Variants in NF1 observed in about 807,000 individuals in gnomAD.
The protein encoded by NF1 is neurofibromin 1.
Under a neutral mutation model 325.7 loss-of-function variants are expected in NF1, and 122 were observed. That is an observed-to-expected ratio of 0.37 (90% CI 0.32 to 0.44). The LOEUF (loss-of-function observed/expected upper bound fraction) is 0.44. NF1 is among the 20% of genes least tolerant of loss of function. NF1 has a pLI of 1.00. For missense variants in NF1, 2,140 were observed against 3,415.4 expected (o/e 0.63, Z 9.31); for synonymous variants, 1,091 against 1,186.0 (o/e 0.92, Z 1.65).
At chr17:31,105,882 CAG>C (rs1252494876) in intron 1 of NF1, among the ~76,000 whole-genome samples, 3 of 152,206 alleles carry the variant, frequency 2.0e-5, no homozygotes, top group Non-Finnish European at 4.4e-5. Flanking sequence ...CCCCCACCAG[CAG>C]AGTGGTATAT....
intron 1 of NF1, chr17:31,136,314 GCAAGACTCTGT>G (rs1192322248): frequency 8.9e-6 from 1 of 112,000 alleles, no homozygotes; most frequent in African/African-American, 3.3e-5. Context: ...GGGTGAAAGA[GCAAGACTCTGT>G]CTCAAAAAAA....
At chr17:31,270,630 A>G (rs2067876111) in intron 36 of NF1, among the ~76,000 whole-genome samples, 1 of 152,224 alleles carries the variant, frequency 6.6e-6, no homozygotes, top group Non-Finnish European at 1.5e-5. Context: ...TTAAAACAAA[A>G]CAAAACAAAA....
chr17:31,308,583 T>C (rs1427243115), intron 36 of NF1, among the ~76,000 whole-genome samples: 6 of 152,214 alleles, frequency 3.9e-5, no homozygotes, highest in African/African-American at 1.2e-4. Context: ...ACACGATTTT[T>C]CCCTGCTAAA....
At chr17:31,097,459 C>CAAAA (rs71142015) in intron 1 of NF1, among the ~76,000 whole-genome samples, 1 of 78,332 alleles carries the variant, frequency 1.3e-5, no homozygotes, top group Non-Finnish European at 2.4e-5. Context: ...CTCTTGTCTC[C>CAAAA]AAAAAAAAAA....
In NF1 at chr17:31,374,503, AG is replaced by A. The variant is rs2070704303; in HGVS notation, c.*349del. 1 of 436,480 alleles carries A rather than the reference AG, an allele frequency of 2.3e-6. No homozygotes were observed. Among genetic ancestry groups the A allele is most frequent in the Non-Finnish European group, 4.3e-6 (1 of 234,570 alleles). 27.0% of individuals were successfully genotyped at this position (436,480 alleles called of 1,614,324 possible). A position where few individuals can be genotyped will look rare whatever the true frequency, so the allele number is the denominator to read the frequency against. On this transcript the variant is annotated 3_prime_UTR_variant, in exon 58 of 58. Coordinates refer to ENST00000358273, the MANE Select transcript of NF1 (RefSeq NM_001042492.3). ...ACTGCTACTACTGGCCAGTGATGAA[AG>A]CCATTTGCACAGAGCTCTGCCTTCT...
At chr17:31,292,367 T>G (rs557398026) in intron 36 of NF1, among the ~76,000 whole-genome samples, 1 of 152,322 alleles carries the variant, frequency 6.6e-6, no homozygotes, top group East Asian at 1.9e-4. Flanking sequence ...AATGAGCCTT[T>G]TTCCATTAAT....
At chr17:31,125,963 G>T (rs145399483) in intron 1 of NF1, among the ~76,000 whole-genome samples, 82 of 152,272 alleles carry the variant, frequency 5.4e-4, no homozygotes, top group African/African-American at 1.8e-3. Flanking sequence ...GGGGCCGGGT[G>T]CAGTGGCTTA....
intron 36 of NF1, among the ~76,000 whole-genome samples, chr17:31,300,424 C>A (rs1004788190): frequency 6.6e-6 from 1 of 152,016 alleles, no homozygotes; most frequent in African/African-American, 2.4e-5. Context: ...TGTTAGATAA[C>A]TTGTTCTTCT....
chr17:31,149,447 C>T (rs1001407742), intron 1 of NF1, among the ~76,000 whole-genome samples: 4 of 151,976 alleles, frequency 2.6e-5, no homozygotes, highest in African/African-American at 4.8e-5. Flanking sequence ...TATAGGCACG[C>T]GCCACCATGG....
At chr17:31,254,130 G>A (rs1170282588) in intron 31 of NF1, 1 of 149,850 alleles carries the variant, frequency 6.7e-6, no homozygotes, top group Non-Finnish European at 1.5e-5. Flanking sequence ...TAATTAGCCA[G>A]GCGTGGTGGT....
In NF1 at chr17:31,230,969, A is replaced by C. The variant is rs1597717757; in HGVS notation, c.3197+44A>C. 3 of 1,435,258 alleles carry C rather than the reference A, an allele frequency of 2.1e-6. No homozygotes were observed. In the East Asian group the frequency reaches 7.0e-5, roughly 33 times the overall value. 88.9% of individuals were successfully genotyped at this position (1,435,258 alleles called of 1,614,324 possible). A position where few individuals can be genotyped will look rare whatever the true frequency, so the allele number is the denominator to read the frequency against. The stretch of plus-strand genomic sequence containing the variant: ...TCAAGTATTAGTGGGTTTTACTGTG[A>C]GAGTTATAACTACTTAATTACAGCT... On this transcript the variant is annotated intron_variant, in intron 24 of 57. Transcript: ENST00000358273.
At chr17:31,121,040 A>C (rs187543511) in intron 1 of NF1, among the ~76,000 whole-genome samples, 5 of 152,368 alleles carry the variant, frequency 3.3e-5, no homozygotes, top group Middle Eastern at 3.4e-3. Context: ...AAAACACAAC[A>C]ACCATGTATT....
intron 36 of NF1, among the ~76,000 whole-genome samples, chr17:31,317,024 C>G (rs2069038082): frequency 6.6e-6 from 1 of 152,064 alleles, no homozygotes; most frequent in African/African-American, 2.4e-5. Context: ...TTTAAAAACT[C>G]TTCAGGTGAT....
chr17:31,206,224 C>T lies in NF1; in HGVS notation c.1261-16C>T, dbSNP rs911130524. 14 of 1,613,174 alleles carry T rather than the reference C, an allele frequency of 8.7e-6. No homozygotes were observed. The highest frequency in any genetic ancestry group is 1.2e-5 in the Non-Finnish European group (14 of 1,179,430). On this transcript the variant is annotated splice_polypyrimidine_tract_variant and intron_variant, in intron 11 of 57. Coordinates refer to ENST00000358273, the MANE Select transcript of NF1 (RefSeq NM_001042492.3). ...TTTTGTACTTTTTCTTCCTATTGGT[C>T]TTTGTTTTTCTCTAGTCCGCATTGG... is the stretch of plus-strand genomic sequence containing the variant.
rs764877783 is a variant in NF1, at chr17:31,252,934, G to A, written c.4111-4G>A. On this transcript the variant is annotated splice_region_variant and splice_polypyrimidine_tract_variant and intron_variant, in intron 30 of 57. Transcript: ENST00000358273. Reference sequence around the variant, plus strand: ...ACTTGTTTGTGCTCATCTCTGTTCTGTAGGCAACTTGCCACTCCCTACTGA... The same window carrying A: ...ACTTGTTTGTGCTCATCTCTGTTCTATAGGCAACTTGCCACTCCCTACTGA... The A allele has an allele frequency of 2.1e-5, 34 of 1,613,050 alleles. No homozygotes were observed. Among genetic ancestry groups the A allele is most frequent in the Non-Finnish European group, 2.8e-5 (33 of 1,179,506 alleles).
chr17:31,291,445 T>A (rs1199692318), intron 36 of NF1, among the ~76,000 whole-genome samples: 1 of 152,230 alleles, frequency 6.6e-6, no homozygotes, highest in African/African-American at 2.4e-5. Flanking sequence ...CTGTTATTTC[T>A]GTTTTTTTGT....
intron 36 of NF1, chr17:31,305,216 G>A (rs766073949): frequency 2.2e-5 from 35 of 1,614,012 alleles, no homozygotes; most frequent in African/African-American, 1.1e-4. Context: ...GTAGAAGTAC[G>A]GGCAGATGGT....
At chr17:31,258,646 CA>C in intron 32 of NF1, 144 bp downstream of exon 32, 1 of 888,690 alleles carries the variant, frequency 1.1e-6, no homozygotes, top group Non-Finnish European at 1.7e-6. Context: ...GTTTATATTA[CA>C]AAGGAATTCA....
chr17:31,148,581 G>A (rs1216064888), intron 1 of NF1, among the ~76,000 whole-genome samples: 3 of 151,952 alleles, frequency 2.0e-5, no homozygotes, highest in African/African-American at 7.2e-5. Context: ...ATAGAAATAT[G>A]TTTTTTAAAG....
Sources: gnomAD v4.1 joint callset for allele counts (sites outside exome capture counted in the v4.1 genomes callset) on GRCh38, gnomAD v4.1.1 for gene constraint, MANE v1.5 for transcripts, NCBI Gene and HGNC (gene_info 2026-07-23, HGNC 2026-07-21) for gene names.